The following PCDHA6 variants were observed in gnomAD, a reference collection of about 807,000 sequenced individuals.
PCDHA6 encodes protocadherin alpha 6, also known as protocadherin alpha-6.
PCDHA6 carries 55 observed loss-of-function variants against 60.3 expected under a neutral mutation model. That is an observed-to-expected ratio of 0.91 (90% confidence interval 0.73 to 1.14). The LOEUF is 1.14. Ranked by LOEUF, PCDHA6 falls within the 50% of genes most tolerant of loss-of-function variation. The pLI, the probability that PCDHA6 is intolerant of heterozygous loss-of-function variation, is 0.00. For synonymous variants in PCDHA6, 652 were observed against 557.9 expected, an observed-to-expected ratio of 1.17 and a Z score of -2.38; for missense variants, 1,327 against 1,256.5, an observed-to-expected ratio of 1.06 and a Z score of -0.85.
At chr5:140,873,403 G>A (rs2054270816) in intron 1 of PCDHA6, among the ~76,000 whole-genome samples, 1 of 152,046 alleles carries the variant, frequency 6.6e-6, no homozygotes, top group South Asian at 2.1e-4. Flanking sequence ...TTCAGTACAG[G>A]TTAAAATTTT....
Position 140,927,380 on chromosome 5 carries a change from T to A in PCDHA6, c.2395-51569T>A, listed in dbSNP as rs1245076146. 1 of 1,614,198 alleles carries A rather than the reference T, an allele frequency of 6.2e-7. No individual in the cohort carries two copies. Among genetic ancestry groups the A allele is most frequent in the African/African-American group, 1.3e-5 (1 of 75,060 alleles). On this transcript the variant is annotated intron_variant, in intron 1 of 3. Transcript: ENST00000529310. ...AGCAATGGGATACTAAGCTACAGCCTAAGCCCCAGTCAGCACTTTCGCCTG... is the reference window on the plus strand; with the variant it reads ...AGCAATGGGATACTAAGCTACAGCCAAAGCCCCAGTCAGCACTTTCGCCTG...
intron 1 of PCDHA6, chr5:140,877,591 G>GT: frequency 6.2e-7 from 1 of 1,613,852 alleles, no homozygotes; most frequent in Non-Finnish European, 8.5e-7. Context: ...CATCTGTGCG[G>GT]TGTCCAGCCT....
chr5:140,967,670 G>A (rs1554229754), intron 1 of PCDHA6: 1 of 1,614,092 alleles, frequency 6.2e-7, no homozygotes, highest in Non-Finnish European at 8.5e-7. Flanking sequence ...CTACACGTCG[G>A]ACCGGGAGAG....
chr5:140,913,447 C>T (rs1445715185), intron 1 of PCDHA6, among the ~76,000 whole-genome samples: 5 of 152,022 alleles, frequency 3.3e-5, no homozygotes, highest in African/African-American at 9.7e-5. Context: ...TTTTCAGCTC[C>T]GATTTTATTT....
At chr5:140,850,006 T>G (rs2150463121) in intron 1 of PCDHA6, 1 of 1,596,968 alleles carries the variant, frequency 6.3e-7, no homozygotes, top group Non-Finnish European at 8.6e-7. Flanking sequence ...GAGCGCTCGC[T>G]GTCGAGCTAC....
intron 1 of PCDHA6, among the ~76,000 whole-genome samples, chr5:140,955,964 A>G (rs148345661): frequency 5.3e-5 from 8 of 152,256 alleles, no homozygotes; most frequent in African/African-American, 1.7e-4. Flanking sequence ...TTGTTTGTGC[A>G]TAGGAATGCT....
intron 1 of PCDHA6, chr5:140,841,882 T>A: frequency 6.2e-7 from 1 of 1,613,800 alleles, no homozygotes; most frequent in Non-Finnish European, 8.5e-7. Context: ...CAAAGAACGA[T>A]GAGAATAAAC....
At chr5:140,863,648 T>C (rs2048105633) in intron 1 of PCDHA6, 2 of 299,994 alleles carry the variant, frequency 6.7e-6, no homozygotes, top group Non-Finnish European at 1.3e-5. Context: ...AAGTTATTAA[T>C]TTGATTGCTT....
chr5:140,984,964 G>C (rs930753325), intron 3 of PCDHA6, among the ~76,000 whole-genome samples: 1 of 151,818 alleles, frequency 6.6e-6, no homozygotes, highest in Non-Finnish European at 1.5e-5. Context: ...TTGAGACAGA[G>C]TCTCGCTCTG....
intron 1 of PCDHA6, chr5:140,882,453 G>C: frequency 1.2e-6 from 2 of 1,614,042 alleles, no homozygotes; most frequent in South Asian, 2.2e-5. Flanking sequence ...CTGGTGCCGC[G>C]CCTGTTCCGG....
rs2150370274 is a variant in PCDHA6 at position 140,844,311 on chromosome 5, T to C, written c.2394+13826T>C. Among the ~76,000 whole-genome samples, 61 of 149,790 alleles carry C rather than the reference T, an allele frequency of 4.1e-4. 5 individuals carry two copies. The highest frequency in any genetic ancestry group is 7.6e-4 in the Non-Finnish European group (51 of 66,820). On this transcript the variant is annotated intron_variant, in intron 1 of 3. Transcript: ENST00000529310. ...CAAAATTTGATAGTTTTCATATTCT[T>C]CCTAATTTTATTATAAACTAGTTAA...
chr5:140,985,683 G>A (rs926848363), intron 3 of PCDHA6, among the ~76,000 whole-genome samples: 3 of 151,224 alleles, frequency 2.0e-5, no homozygotes, highest in African/African-American at 7.3e-5. Context: ...CCTGCCTTAC[G>A]CTAATCCTCG....
Position 140,914,628 on chromosome 5 carries a change from G to A in PCDHA6, c.2395-64321G>A, listed in dbSNP as rs540654869. 1.3e-4 allele frequency among the ~76,000 whole-genome samples: 19 copies of A among 151,834 alleles called. No homozygotes were observed. The South Asian group carries it at 1.7e-3, about 13-fold the overall frequency. ...CTGCCATTTTGTAATTTGTTTTCTC[G>A]TGGTTTCATGGTCATCTCTCCCTTC... is the stretch of plus-strand genomic sequence containing the variant. On this transcript the variant is annotated intron_variant, in intron 1 of 3. Transcript: ENST00000529310.
chr5:140,831,995 T>C (rs1371485520), intron 1 of PCDHA6, among the ~76,000 whole-genome samples: 2 of 152,226 alleles, frequency 1.3e-5, no homozygotes, highest in African/African-American at 4.8e-5. Flanking sequence ...ACGGATTCCA[T>C]ATTGTTTTCA....
intron 1 of PCDHA6, among the ~76,000 whole-genome samples, chr5:140,917,584 A>T (rs2153544569): frequency 6.6e-6 from 1 of 152,336 alleles, no homozygotes; most frequent in South Asian, 2.1e-4. Context: ...ATTTTTGTTC[A>T]TGCTGAAAGG....
chr5:140,979,090 C>A, intron 2 of PCDHA6, 83 bp downstream of exon 2: 1 of 1,557,284 alleles, frequency 6.4e-7, no homozygotes, highest in Non-Finnish European at 8.7e-7. Flanking sequence ...AGGCCAGAAG[C>A]AGCTGTCAAA....
intron 1 of PCDHA6, chr5:140,860,787 G>A (rs1038488180): frequency 5.9e-5 from 9 of 152,154 alleles, no homozygotes; most frequent in African/African-American, 2.2e-4. Flanking sequence ...GCCCAGGCTG[G>A]AGTGCAGTGG....
chr5:140,941,467 C>G (rs1290341607), intron 1 of PCDHA6, among the ~76,000 whole-genome samples: 4 of 151,456 alleles, frequency 2.6e-5, no homozygotes, highest in Non-Finnish European at 5.9e-5. Context: ...AGGCGCCCAC[C>G]ACCACGCCTG....
chr5:140,832,882 G>A (rs1772196387), intron 1 of PCDHA6, among the ~76,000 whole-genome samples: 2 of 152,140 alleles, frequency 1.3e-5, no homozygotes, highest in Admixed American at 6.6e-5. Flanking sequence ...GTTATAAAAT[G>A]GAAAGAGTTT....
Sources: gnomAD v4.1 joint callset for allele counts (sites outside exome capture counted in the v4.1 genomes callset) on GRCh38, gnomAD v4.1.1 for gene constraint, MANE v1.5 for transcripts, NCBI Gene and HGNC (gene_info 2026-07-23, HGNC 2026-07-21) for gene names.